Variants in LUZP2 observed in about 807,000 individuals in gnomAD.
LUZP2 encodes the protein leucine zipper protein 2.
In LUZP2, 52 loss-of-function variants were observed where a neutral mutation model predicts 51.6. The observed-to-expected ratio is 1.01, with a 90% confidence interval of 0.81 to 1.27. The LOEUF is 1.27. LUZP2 is among the 50% of genes most tolerant of loss of function. LUZP2 has a pLI of 0.00. For missense variants in LUZP2, 436 were observed against 395.4 expected, an observed-to-expected ratio of 1.10 and a Z score of -0.87; for synonymous variants, 154 against 137.3, an observed-to-expected ratio of 1.12 and a Z score of -0.85.
chr11:24,537,900 A>T (rs555727201), intron 1 of LUZP2, among the ~76,000 whole-genome samples: 1 of 152,068 alleles, frequency 6.6e-6, no homozygotes, highest in Non-Finnish European at 1.5e-5. Context: ...TTTCATAAAA[A>T]AAATAAATAG....
chr11:24,838,677 T>C (rs1850933081), intron 5 of LUZP2, among the ~76,000 whole-genome samples: 1 of 151,676 alleles, frequency 6.6e-6, no homozygotes, highest in East Asian at 1.9e-4. Context: ...CCCCAAGTTA[T>C]GAAATTAAGC....
intron 5 of LUZP2, among the ~76,000 whole-genome samples, chr11:24,813,412 C>T (rs770642141): frequency 3.9e-5 from 6 of 152,088 alleles, no homozygotes; most frequent in African/African-American, 9.7e-5. Context: ...TCTACTTCTG[C>T]GGAGGCCTCA....
rs758691189 is a variant in LUZP2 at position 24,983,253 on chromosome 11, A to G, written c.725A>G (p.Asn242Ser). The change falls in exon 9 of 12, where the codon AAT becomes AGT. Residue 242 changes from asparagine to serine, a missense_variant. Coordinates refer to ENST00000336930, the MANE Select transcript of LUZP2 (RefSeq NM_001009909.4). ...NPTRMLLPPR[N>S]IASKLPDAAA... ...ACTCGGATGTTACTCCCACCCAGGA[A>G]TATTGCCTCTAAGCTTCCAGATGCA... The G allele has an allele frequency of 1.9e-6, 3 of 1,612,170 alleles. No homozygotes were observed. Among genetic ancestry groups the G allele is most frequent in the Non-Finnish European group, 2.5e-6 (3 of 1,178,772 alleles).
chr11:24,926,483 GTA>G (rs202180390), intron 7 of LUZP2, among the ~76,000 whole-genome samples: 1,375 of 102,886 alleles, frequency 0.013, 44 homozygotes, highest in African/African-American at 0.048. Context: ...ATATGTGTGT[GTA>G]TATATATGTG....
intron 5 of LUZP2, among the ~76,000 whole-genome samples, chr11:24,833,545 G>A (rs113317239): frequency 9.9e-5 from 15 of 152,258 alleles, no homozygotes; most frequent in African/African-American, 3.4e-4. Context: ...CCCAGAGGTA[G>A]GTTCTCAACC....
intron 5 of LUZP2, among the ~76,000 whole-genome samples, chr11:24,846,123 A>G (rs1851190879): frequency 6.6e-6 from 1 of 152,008 alleles, no homozygotes; most frequent in Admixed American, 6.6e-5. Context: ...GAGAAACATG[A>G]ATTCAAGGAT....
intron 1 of LUZP2, among the ~76,000 whole-genome samples, chr11:24,718,257 C>A (rs1858131005): frequency 6.6e-6 from 1 of 152,122 alleles, no homozygotes; most frequent in South Asian, 2.1e-4. Context: ...GCTGCTGTTC[C>A]GTATTCCAAT....
chr11:24,722,916 T>TAA (rs548606370), intron 1 of LUZP2, among the ~76,000 whole-genome samples: 54 of 145,198 alleles, frequency 3.7e-4, no homozygotes, highest in Middle Eastern at 3.6e-3. Flanking sequence ...GACCTCATAT[T>TAA]AAAAAAAAAA....
At chr11:24,560,794 T>A (rs761419576) in intron 1 of LUZP2, among the ~76,000 whole-genome samples, 11 of 152,212 alleles carry the variant, frequency 7.2e-5, no homozygotes, top group Non-Finnish European at 1.3e-4. Flanking sequence ...GATGATGCCC[T>A]GAACTAAGAT....
chr11:24,640,852 T>A (rs1855253867), intron 1 of LUZP2, among the ~76,000 whole-genome samples: 1 of 151,710 alleles, frequency 6.6e-6, no homozygotes, highest in Admixed American at 6.6e-5. Flanking sequence ...TGAAACATAG[T>A]TTACAGAATT....
intron 1 of LUZP2, among the ~76,000 whole-genome samples, chr11:24,585,382 A>T (rs1490380092): frequency 6.6e-6 from 1 of 152,170 alleles, no homozygotes; most frequent in Admixed American, 6.6e-5. Context: ...CTTGCTTGTA[A>T]ATCAGTAGCC....
chr11:24,689,986 G>T (rs983958759), intron 1 of LUZP2, among the ~76,000 whole-genome samples: 2 of 152,062 alleles, frequency 1.3e-5, no homozygotes, highest in African/African-American at 4.8e-5. Flanking sequence ...TCTGGAAAAG[G>T]TGTTTAGCTA....
intron 1 of LUZP2, among the ~76,000 whole-genome samples, chr11:24,601,980 A>ATATATGTG (rs1853674779): frequency 6.2e-5 from 4 of 64,706 alleles, no homozygotes; most frequent in African/African-American, 3.2e-4. Context: ...GTGTATATGT[A>ATATATGTG]TATATATGTG....
chr11:24,739,892 C>T (rs1393018255), intron 4 of LUZP2, among the ~76,000 whole-genome samples: 1 of 152,104 alleles, frequency 6.6e-6, no homozygotes, highest in African/African-American at 2.4e-5. Context: ...CGGCAACTCT[C>T]ACTGCTCACC....
intron 2 of LUZP2, among the ~76,000 whole-genome samples, chr11:24,729,635 C>T (rs573759554): frequency 6.6e-6 from 1 of 151,804 alleles, no homozygotes; most frequent in African/African-American, 2.4e-5. Flanking sequence ...TTTTAAATTC[C>T]CCACGGGATA....
At chr11:24,928,793 A>G (rs1322354789) in intron 7 of LUZP2, among the ~76,000 whole-genome samples, 1 of 152,096 alleles carries the variant, frequency 6.6e-6, no homozygotes, top group African/African-American at 2.4e-5. Flanking sequence ...AATAGTGCAA[A>G]TAAGATTGGT....
intron 5 of LUZP2, among the ~76,000 whole-genome samples, chr11:24,798,081 G>A (rs1483686696): frequency 6.6e-6 from 1 of 151,870 alleles, no homozygotes; most frequent in Non-Finnish European, 1.5e-5. Context: ...GTCCTTTTTT[G>A]GCTCTGATGC....
At chr11:24,718,166 C>G (rs187797597) in intron 1 of LUZP2, among the ~76,000 whole-genome samples, 1 of 152,030 alleles carries the variant, frequency 6.6e-6, no homozygotes, top group Non-Finnish European at 1.5e-5. Context: ...GTTGTGTGGC[C>G]GAACGATTGA....
intron 10 of LUZP2, among the ~76,000 whole-genome samples, chr11:25,067,892 A>G (rs1049428520): frequency 6.6e-6 from 1 of 152,116 alleles, no homozygotes; most frequent in African/African-American, 2.4e-5. Context: ...ACTGTTCACA[A>G]GAGCAAAGTC....
Sources: gnomAD v4.1 joint callset for allele counts (sites outside exome capture counted in the v4.1 genomes callset) on GRCh38, gnomAD v4.1.1 for gene constraint, MANE v1.5 for transcripts, NCBI Gene and HGNC (gene_info 2026-07-23, HGNC 2026-07-21) for gene names.